Variants in SLC16A7 observed in about 807,000 individuals in gnomAD.
SLC16A7 encodes solute carrier family 16 member 7, also known as monocarboxylate transporter 2.
SLC16A7 carries 33 observed loss-of-function variants against 34.9 expected under a neutral mutation model. The ratio of observed to expected loss-of-function variants is 0.94; its 90% confidence interval spans 0.72 to 1.26. The LOEUF (loss-of-function observed/expected upper bound fraction) is 1.26, where lower values mean the gene tolerates loss of function less well. SLC16A7 is among the 50% of genes most tolerant of loss of function. The pLI is 0.00. For missense variants in SLC16A7, 573 were observed against 578.1 expected (o/e 0.99, Z 0.09); for synonymous variants, 201 against 206.6 (o/e 0.97, Z 0.23).
At chr12:59,603,031 T>G (rs1206897709) in intron 1 of SLC16A7, among the ~76,000 whole-genome samples, 1 of 152,182 alleles carries the variant, frequency 6.6e-6, no homozygotes, top group Non-Finnish European at 1.5e-5. Context: ...ACCCCCATTC[T>G]TCATATTGAT....
At chr12:59,729,568 C>T (rs1372768316) in intron 3 of SLC16A7, among the ~76,000 whole-genome samples, 1 of 152,036 alleles carries the variant, frequency 6.6e-6, no homozygotes, top group East Asian at 1.9e-4. Context: ...TTTTATGGTT[C>T]ATCTTTCTCT....
At chr12:59,677,319 AAG>A (rs1490269586) in intron 2 of SLC16A7, among the ~76,000 whole-genome samples, 2 of 152,304 alleles carry the variant, frequency 1.3e-5, no homozygotes, top group South Asian at 4.2e-4. Context: ...TAAAATATTA[AAG>A]AGATTTTTTT....
intron 3 of SLC16A7, among the ~76,000 whole-genome samples, chr12:59,744,574 T>G (rs377745865): frequency 6.6e-6 from 1 of 152,144 alleles, no homozygotes; most frequent in African/African-American, 2.4e-5. Context: ...AGAGCTCGGG[T>G]GCCACAGGTG....
chr12:59,704,219 G>GAAAAAGAAAAA lies in SLC16A7; in HGVS notation c.-30-541_-30-531dup, dbSNP rs1206809210. ...TGTCTCAAAAAAAAAAAAAAAAAAAGAAAAAGAAAAAAAAAAGAAAAAGAA... is the reference window on the plus strand; with the variant it reads ...TGTCTCAAAAAAAAAAAAAAAAAAAGAAAAAGAAAAAAAAAAGAAAAAAAAAAGAAAAAGAA... On this transcript the variant is annotated intron_variant, in intron 2 of 5. Coordinates refer to ENST00000547379, the MANE Select transcript of SLC16A7 (RefSeq NM_001270623.2). Among the ~76,000 whole-genome samples the GAAAAAGAAAAA allele has an allele frequency of 3.1e-4, 35 of 114,452 alleles. 1 individual carries two copies. In the South Asian group the frequency reaches 5.8e-3, roughly 19 times the overall value. 75.1% of individuals were successfully genotyped at this position (114,452 alleles called of 152,430 possible).
chr12:59,677,201 A>G (rs1870382486), intron 2 of SLC16A7, among the ~76,000 whole-genome samples: 1 of 152,140 alleles, frequency 6.6e-6, no homozygotes, highest in Non-Finnish European at 1.5e-5. Context: ...AAAAGACAAA[A>G]TCAGGGTTTG....
chr12:59,636,946 A>T (rs1287807730), intron 1 of SLC16A7, among the ~76,000 whole-genome samples: 1 of 152,062 alleles, frequency 6.6e-6, no homozygotes, highest in Non-Finnish European at 1.5e-5. Context: ...TATTTCCATT[A>T]TGGGCCTGTA....
At chr12:59,612,089 G>A (rs1346909307) in intron 1 of SLC16A7, among the ~76,000 whole-genome samples, 9 of 152,326 alleles carry the variant, frequency 5.9e-5, no homozygotes, top group Admixed American at 5.2e-4. Context: ...TGGAGACTCT[G>A]TGTGGAGGTT....
chr12:59,622,035 C>T (rs997823211), intron 1 of SLC16A7, among the ~76,000 whole-genome samples: 1 of 151,840 alleles, frequency 6.6e-6, no homozygotes, highest in African/African-American at 2.4e-5. Flanking sequence ...TCAACTTCTA[C>T]ACTCAGAGTG....
intron 1 of SLC16A7, among the ~76,000 whole-genome samples, chr12:59,624,102 C>G (rs1030270120): frequency 6.6e-6 from 1 of 151,344 alleles, no homozygotes; most frequent in Non-Finnish European, 1.5e-5. Context: ...ATAGATATCT[C>G]TGTCTTAATT....
chr12:59,716,580 G>A (rs1467301361), intron 3 of SLC16A7, among the ~76,000 whole-genome samples: 1 of 152,164 alleles, frequency 6.6e-6, no homozygotes, highest in African/African-American at 2.4e-5. Flanking sequence ...GGGTGCAGTG[G>A]CTCATGCCTG....
chr12:59,677,276 CACTT>C (rs1458150163), intron 2 of SLC16A7, among the ~76,000 whole-genome samples: 1 of 151,896 alleles, frequency 6.6e-6, no homozygotes, highest in African/African-American at 2.4e-5. Context: ...GAAGGGGTAA[CACTT>C]AAACTGGAAA....
intron 1 of SLC16A7, among the ~76,000 whole-genome samples, chr12:59,629,459 G>A (rs937546362): frequency 1.3e-5 from 2 of 151,762 alleles, no homozygotes; most frequent in Non-Finnish European, 2.9e-5. Flanking sequence ...TATTTGTTTA[G>A]CTATTATGTT....
chr12:59,748,461 G>T (rs550679361), intron 3 of SLC16A7, among the ~76,000 whole-genome samples: 1 of 152,034 alleles, frequency 6.6e-6, no homozygotes, highest in Non-Finnish European at 1.5e-5. Context: ...CTATGTGAGC[G>T]GTTCTTTCCT....
intron 2 of SLC16A7, among the ~76,000 whole-genome samples, chr12:59,667,620 A>G (rs1378778262): frequency 6.6e-6 from 1 of 152,214 alleles, no homozygotes; most frequent in East Asian, 1.9e-4. Context: ...GCAGAGCATA[A>G]AAGTTTGAAA....
rs950626285 is a variant in SLC16A7 at position 59,772,416 on chromosome 12, C to T, written c.361+1054C>T. ...GCATTTGACTGTAGAAGTCGGGATGCGCCTACAAGTAGGGAAAAGATGATT... is the reference window on the plus strand; with the variant it reads ...GCATTTGACTGTAGAAGTCGGGATGTGCCTACAAGTAGGGAAAAGATGATT... On this transcript the variant is annotated intron_variant, in intron 4 of 5. Transcript: ENST00000547379. 3.9e-5 allele frequency among the ~76,000 whole-genome samples: 6 copies of T among 152,192 alleles called. No homozygotes were observed. In the South Asian group the frequency reaches 8.3e-4, roughly 21 times the overall value.
chr12:59,647,450 G>C (rs887943987), intron 1 of SLC16A7, among the ~76,000 whole-genome samples: 3 of 152,144 alleles, frequency 2.0e-5, no homozygotes, highest in African/African-American at 7.2e-5. Context: ...ATGATTGTAA[G>C]TTTCCCAAGG....
At chr12:59,730,660 T>TA (rs1876842075) in intron 3 of SLC16A7, among the ~76,000 whole-genome samples, 1 of 152,060 alleles carries the variant, frequency 6.6e-6, no homozygotes, top group Non-Finnish European at 1.5e-5. Flanking sequence ...CTATGCAAAG[T>TA]TCATATATTT....
intron 2 of SLC16A7, among the ~76,000 whole-genome samples, chr12:59,701,363 T>C (rs560734959): frequency 1.3e-5 from 2 of 151,918 alleles, no homozygotes; most frequent in South Asian, 2.1e-4. Context: ...GAAGCTCTTA[T>C]GCTTAATTTT....
At chr12:59,733,867 C>T (rs1248313150) in intron 3 of SLC16A7, 2 of 454,622 alleles carry the variant, frequency 4.4e-6, no homozygotes, top group Admixed American at 4.7e-5. Flanking sequence ...GTCGTCCTGA[C>T]TAGCTGAGGA....
Sources: allele counts gnomAD v4.1 joint callset (sites outside exome capture counted in the v4.1 genomes callset), GRCh38; gene constraint gnomAD v4.1.1; transcripts MANE v1.5; gene names NCBI Gene and HGNC (gene_info 2026-07-23, HGNC 2026-07-21).